Variants in FAS observed in about 807,000 individuals in gnomAD.
FAS encodes tumor necrosis factor receptor superfamily member 6.
A neutral mutation model predicts 33.2 loss-of-function variants in FAS; 5 were observed. That is an observed-to-expected ratio of 0.15 (90% CI 0.08 to 0.32). The LOEUF is 0.32. Among genes scored for constraint, FAS ranks in the 10% least tolerant of loss-of-function variants. FAS has a pLI of 1.00. For missense variants in FAS, 339 were observed against 386.0 expected, an observed-to-expected ratio of 0.88 and a Z score of 1.02; for synonymous variants, 131 against 130.7, an observed-to-expected ratio of 1.00 and a Z score of -0.01.
intron 6 of FAS, among the ~76,000 whole-genome samples, chr10:89,011,337 A>G (rs1211201587): frequency 6.6e-6 from 1 of 152,230 alleles, no homozygotes; most frequent in Non-Finnish European, 1.5e-5. Flanking sequence ...ATATTATCAT[A>G]ATTAGTCTAG....
At chr10:88,976,168 C>T (rs776887039) in intron 2 of FAS, among the ~76,000 whole-genome samples, 1 of 152,024 alleles carries the variant, frequency 6.6e-6, no homozygotes, top group Non-Finnish European at 1.5e-5. Flanking sequence ...TTGGGCCACA[C>T]ATAAAATACA....
chr10:89,004,774 T>A (rs1469121195), intron 2 of FAS, among the ~76,000 whole-genome samples: 2 of 152,164 alleles, frequency 1.3e-5, no homozygotes, highest in Non-Finnish European at 2.9e-5. Context: ...TCTGGCTGGA[T>A]TAACTGATTC....
At chr10:89,009,245 A>T (rs1457744992) in intron 4 of FAS, among the ~76,000 whole-genome samples, 1 of 152,260 alleles carries the variant, frequency 6.6e-6, no homozygotes, top group Non-Finnish European at 1.5e-5. Flanking sequence ...GTCCAGAAGC[A>T]CAGACAGTCA....
rs142680473 is a variant in FAS at position 88,969,071 on chromosome 10, G to A, written n.95-4111G>A. On this transcript the variant is annotated intron_variant and non_coding_transcript_variant, in intron 1 of 3. Coordinates refer to the FAS transcript ENST00000688239. ...GGTCTGGAAAGCTGTTATCTGGGTT[G>A]TATTACAACTTTGTGTTTTTTTCTC... Among the ~76,000 whole-genome samples the A allele has an allele frequency of 6.0e-3, 908 of 152,176 alleles. 13 individuals carry two copies. The highest frequency in any genetic ancestry group is 0.02 in the African/African-American group (850 of 41,512).
At chr10:88,999,907 G>T (rs1283588945) in intron 1 of FAS, among the ~76,000 whole-genome samples, 2 of 152,172 alleles carry the variant, frequency 1.3e-5, no homozygotes, top group East Asian at 3.8e-4. Context: ...TTTCATCAGA[G>T]ACAGAAATTA....
chr10:88,986,676 AGT>A (rs1846897072), upstream of FAS, among the ~76,000 whole-genome samples: 1 of 64,980 alleles, frequency 1.5e-5, no homozygotes, highest in African/African-American at 9.0e-5. Context: ...GGAAGGAAGT[AGT>A]GCAGGAAGGA....
At chr10:88,973,438 C>T (rs1420734162) in intron 2 of FAS, 7 of 1,092,766 alleles carry the variant, frequency 6.4e-6, no homozygotes, top group Non-Finnish European at 1.2e-6. Flanking sequence ...ATTATCTCTG[C>T]CTTTCCTTTC....
upstream of FAS, among the ~76,000 whole-genome samples, chr10:88,984,675 T>G (rs529361733): frequency 6.6e-6 from 1 of 151,662 alleles, no homozygotes; most frequent in South Asian, 2.1e-4. Flanking sequence ...TCTTGACTTC[T>G]TATGTTTAGT....
rs5030766 is a variant in FAS at position 88,990,843 on chromosome 10, A to G, written c.-34A>G. 0.017 allele frequency: 27,805 copies of G among 1,614,070 alleles called. 369 individuals are homozygous for G. The highest frequency in any genetic ancestry group is 0.066 in the African/African-American group (4,975 of 75,026). ...GGACCCGCTCAGTACGGAGTTGGGG[A>G]AGCTCTTTCACTTCGGAGGATTGCT... On this transcript the variant is annotated 5_prime_UTR_variant, in exon 1 of 9. Transcript: ENST00000652046. The surrounding 1 kb of genome is among the most constrained non-coding windows in gnomAD (Gnocchi z 4.9).
chr10:88,988,113 T>C (rs1004839435), upstream of FAS, among the ~76,000 whole-genome samples: 2 of 152,178 alleles, frequency 1.3e-5, no homozygotes, highest in African/African-American at 4.8e-5. Flanking sequence ...CTATCTATCT[T>C]TCCATTTATT....
At position 89,014,640 on chromosome 10, in the gene FAS, TG is replaced by T; in HGVS notation, c.*193del. On this transcript the variant is annotated 3_prime_UTR_variant, in exon 9 of 9. Transcript: ENST00000652046. ...CCTCCAAGGATGTTTAAAATCTAGT[TG>T]GGAAAACAAACTTCATCAAGAGTAA... The T allele has an allele frequency of 1.4e-6, 1 of 731,374 alleles. No homozygotes were observed. Among genetic ancestry groups the T allele is most frequent in the Non-Finnish European group, 2.4e-6 (1 of 415,856 alleles). The allele number at this position is 731,374 out of a possible 1,614,324, so 45.3% of individuals were successfully genotyped here. A position where few individuals can be genotyped will look rare whatever the true frequency, so the allele number is the denominator to read the frequency against.
rs9658780 is a variant in FAS, at chr10:89,015,899, C to G, written c.*1449C>G. 166 of 329,578 alleles carry G rather than the reference C, an allele frequency of 5.0e-4. No homozygotes were observed. The highest frequency in any genetic ancestry group is 3.0e-3 in the African/African-American group (142 of 47,878). The allele number at this position is 329,578 out of a possible 1,614,324, so 20.4% of individuals were successfully genotyped here. On this transcript the variant is annotated 3_prime_UTR_variant, in exon 9 of 9. Coordinates refer to ENST00000652046, the MANE Select transcript of FAS (RefSeq NM_000043.6). ...TGCTTCTTGGATCCCTTAGAAGGTA[C>G]TTCCTTTTTAACCTTAACCCTTTTA... is the stretch of plus-strand genomic sequence containing the variant.
intron 1 of FAS, among the ~76,000 whole-genome samples, chr10:88,999,017 G>C (rs955656261): frequency 6.6e-6 from 1 of 152,062 alleles, no homozygotes; most frequent in African/African-American, 2.4e-5. Flanking sequence ...GCTGGGCCTG[G>C]TGGTGCACAT....
Position 89,015,375 on chromosome 10 carries a change from C to A in FAS, c.*925C>A, listed in dbSNP as rs1848751992. On this transcript the variant is annotated 3_prime_UTR_variant, in exon 9 of 9. Transcript: ENST00000652046. Reference sequence around the variant, plus strand: ...AAGTAGCTTTGTGACATGTCATGAACCCATGTTTGCAATCAAAGATGATAA... The same window carrying A: ...AAGTAGCTTTGTGACATGTCATGAAACCATGTTTGCAATCAAAGATGATAA... 2 of 531,420 alleles carry A rather than the reference C, an allele frequency of 3.8e-6. No individual in the cohort carries two copies. Among genetic ancestry groups the A allele is most frequent in the South Asian group, 3.1e-5 (2 of 65,006 alleles). 32.9% of individuals were successfully genotyped at this position (531,420 alleles called of 1,614,324 possible).
chr10:88,999,168 T>TAAAGA (rs1554848996), intron 1 of FAS, among the ~76,000 whole-genome samples: 1 of 67,734 alleles, frequency 1.5e-5, no homozygotes, highest in Non-Finnish European at 3.7e-5. Context: ...AATAAATAAA[T>TAAAGA]AAATAAAATA....
At chr10:88,971,451 G>T (rs1466097471) in intron 1 of FAS, among the ~76,000 whole-genome samples, 1 of 152,218 alleles carries the variant, frequency 6.6e-6, no homozygotes, top group Non-Finnish European at 1.5e-5. Context: ...TTCAAGTTAG[G>T]ATCTGAGTGT....
chr10:88,974,636 GC>G (rs1349033022), intron 2 of FAS: 5 of 152,298 alleles, frequency 3.3e-5, no homozygotes, highest in Non-Finnish European at 7.4e-5. Context: ...ATAGGCATGA[GC>G]CACCATGCCT....
upstream of FAS, chr10:88,989,342 T>A: frequency 3.1e-6 from 1 of 326,442 alleles, no homozygotes; most frequent in Admixed American, 3.9e-5. Context: ...TCCTTCTTTT[T>A]ACATTTTTTT....
intron 1 of FAS, among the ~76,000 whole-genome samples, chr10:88,999,469 A>T (rs549040781): frequency 2.0e-5 from 3 of 152,334 alleles, no homozygotes; most frequent in Non-Finnish European, 4.4e-5. Flanking sequence ...TGGAAGGGTA[A>T]CTATTATACT....
Sources: gnomAD v4.1 joint callset for allele counts (sites outside exome capture counted in the v4.1 genomes callset) on GRCh38, gnomAD v4.1.1 for gene constraint, Gnocchi (gnomAD v3.1) non-coding constraint, MANE v1.5 for transcripts, NCBI Gene and HGNC (gene_info 2026-07-23, HGNC 2026-07-21) for gene names.